CD80: variants seen among roughly 807,000 people sequenced by gnomAD.
CD80 encodes T-lymphocyte activation antigen CD80.
CD80 carries 13 observed loss-of-function variants against 27.1 expected under a neutral mutation model. That is an observed-to-expected ratio of 0.48 (90% CI 0.31 to 0.76). The LOEUF (loss-of-function observed/expected upper bound fraction) is 0.76. Ranked by LOEUF, CD80 falls within the 30% of genes least tolerant of loss-of-function variation. CD80 has a pLI of 0.04. For missense variants in CD80, 277 were observed against 347.9 expected (o/e 0.80, Z 1.62); for synonymous variants, 125 against 125.5 (o/e 1.00, Z 0.03).
intron 2 of CD80, among the ~76,000 whole-genome samples, chr3:119,552,575 G>C (rs1409962194): frequency 2.0e-5 from 3 of 146,554 alleles, no homozygotes; most frequent in South Asian, 4.4e-4. Flanking sequence ...CCAGGCACCC[G>C]TAATCCCAGC....
chr3:119,528,373 A>C (rs2082090226), intron 5 of CD80, among the ~76,000 whole-genome samples: 1 of 152,144 alleles, frequency 6.6e-6, no homozygotes, highest in African/African-American at 2.4e-5. Flanking sequence ...TTATTTGATC[A>C]GTGTACATGA....
In CD80 at chr3:119,537,398, T is replaced by C. The variant is rs2107742191; in HGVS notation, c.439A>G (p.Ile147Val). The C allele has an allele frequency of 6.2e-7, 1 of 1,608,406 alleles. No homozygotes were observed. Among genetic ancestry groups the C allele is most frequent in the South Asian group, 1.1e-5 (1 of 90,936 alleles). ...GAAGTTGGAATTTCAAAGTCAGATA[T>C]ACTAGGTGTAGGGAAGTCAGCTAAA... is the stretch of plus-strand genomic sequence containing the variant. ...SVKADFPTPS[I>V]SDFEIPTSNI... The change falls in exon 4 of 7, where the codon ATA becomes GTA. Residue 147 changes from isoleucine (I) to valine (V), a missense_variant. Transcript: ENST00000264246.
chr3:119,557,653 C>T lies in CD80; in HGVS notation c.76G>A (p.Ala26Thr). The T allele has an allele frequency of 6.2e-7, 1 of 1,613,422 alleles. No individual in the cohort carries two copies. Among genetic ancestry groups the T allele is most frequent in the Non-Finnish European group, 8.5e-7 (1 of 1,179,624 alleles). ...YLNFFQLLVL[A>T]GLSHFCSGVI... ...CCTGAACAGAAGTGAGAAAGACCAG[C>T]CAGCACCAAGAGCTGAAAGAAATTG... is the stretch of plus-strand genomic sequence containing the variant. Residue 26 changes from alanine to threonine, a missense_variant, in exon 2 of 7, where the codon GCT becomes ACT. Coordinates refer to ENST00000264246, the MANE Select transcript of CD80 (RefSeq NM_005191.4).
intron 2 of CD80, among the ~76,000 whole-genome samples, chr3:119,550,955 C>T (rs925751217): frequency 2.0e-5 from 3 of 152,178 alleles, no homozygotes; most frequent in Admixed American, 2.0e-4. Context: ...TCCTGCTACT[C>T]TTTAGTCTCT....
Position 119,544,742 on chromosome 3 carries a change from T to C in CD80, c.226A>G (p.Met76Val), listed in dbSNP as rs762428605. ...CATATATTCATGTCCCCAGACATCA[T>C]AGTCAGCACCATTTTCTTCTCCTTT... is the stretch of plus-strand genomic sequence containing the variant. ...WQKEKKMVLT[M>V]MSGDMNIWPE... The change falls in exon 3 of 7, where the codon ATG (methionine) becomes GTG (valine). Residue 76 changes from methionine to valine, a missense_variant. Physicochemically the swap from Met to Val is conservative, Grantham distance 21. Transcript: ENST00000264246. 1 of 1,614,230 alleles carries C rather than the reference T, an allele frequency of 6.2e-7. No individual in the cohort carries two copies. The highest frequency in any genetic ancestry group is 1.1e-5 in the South Asian group (1 of 91,082).
chr3:119,544,965 T>C, intron 2 of CD80, 98 bp from the exon 3 acceptor site: 1 of 877,614 alleles, frequency 1.1e-6, no homozygotes, highest in Non-Finnish European at 1.8e-6. Context: ...CTTAGGGTGT[T>C]GTGTCTAGTG....
chr3:119,548,620 CTT>C (rs2082213474), intron 2 of CD80, among the ~76,000 whole-genome samples: 1 of 152,148 alleles, frequency 6.6e-6, no homozygotes, highest in South Asian at 2.1e-4. Flanking sequence ...CTGGCCCAGG[CTT>C]TTAGGGCCAT....
intron 2 of CD80, among the ~76,000 whole-genome samples, chr3:119,545,141 C>T (rs568485647): frequency 2.6e-5 from 4 of 152,026 alleles, no homozygotes; most frequent in African/African-American, 4.8e-5. Context: ...GTCAGGAGTT[C>T]GAGACCAGCC....
In CD80 at chr3:119,524,341, A is replaced by G. The variant is rs185399972; in HGVS notation, c.*1447T>C. ...TGTTTCTTCCCTTAGTATTGCTGAC[A>G]AAGTATCTGCTGTAGAATACAGGAA... On this transcript the variant is annotated 3_prime_UTR_variant, in exon 7 of 7. Coordinates refer to ENST00000264246, the MANE Select transcript of CD80 (RefSeq NM_005191.4). The G allele has an allele frequency of 2.6e-5, 4 of 152,412 alleles. No homozygotes were observed. In the East Asian group the frequency reaches 7.7e-4, roughly 29 times the overall value. The allele number at this position is 152,412 out of a possible 1,614,324, so 9.4% of individuals were successfully genotyped here.
intron 2 of CD80, among the ~76,000 whole-genome samples, chr3:119,550,190 T>C (rs1474790284): frequency 1.3e-5 from 2 of 152,226 alleles, no homozygotes; most frequent in African/African-American, 2.4e-5. Context: ...ACTCTGGTCT[T>C]GCTATGGGCC....
At chr3:119,548,344 C>A (rs929845791) in intron 2 of CD80, among the ~76,000 whole-genome samples, 5 of 152,146 alleles carry the variant, frequency 3.3e-5, no homozygotes, top group Non-Finnish European at 5.9e-5. Flanking sequence ...TGTATATAGC[C>A]AGATGCCTAT....
chr3:119,551,273 A>G (rs1340979485), intron 2 of CD80, among the ~76,000 whole-genome samples: 1 of 152,214 alleles, frequency 6.6e-6, no homozygotes, highest in African/African-American at 2.4e-5. Context: ...CCATCTCTGT[A>G]AAACAGTCAT....
chr3:119,545,344 A>G (rs1264440117), intron 2 of CD80, among the ~76,000 whole-genome samples: 1 of 152,114 alleles, frequency 6.6e-6, no homozygotes, highest in Non-Finnish European at 1.5e-5. Context: ...CTCCAAACAA[A>G]CAAACAAACA....
At chr3:119,549,230 A>G (rs1399186050) in intron 2 of CD80, among the ~76,000 whole-genome samples, 1 of 151,728 alleles carries the variant, frequency 6.6e-6, no homozygotes, top group African/African-American at 2.4e-5. Flanking sequence ...CCATACAATT[A>G]CCCTCCAGCC....
At chr3:119,558,679 C>T (rs542505455) in intron 1 of CD80, among the ~76,000 whole-genome samples, 1 of 150,678 alleles carries the variant, frequency 6.6e-6, no homozygotes, top group African/African-American at 2.4e-5. Flanking sequence ...ACGAGAATTG[C>T]TTGAATCCAG....
Position 119,528,282 on chromosome 3 carries a change from T to C in CD80, c.797-441A>G, listed in dbSNP as rs181569052. ...CTTGGGATAAGTTGTTAACAGCACA[T>C]ACTCTCTAAAGAATTCACTGAGCTT... On this transcript the variant is annotated intron_variant, in intron 5 of 6. Coordinates refer to ENST00000264246, the MANE Select transcript of CD80 (RefSeq NM_005191.4). 3.5e-3 allele frequency among the ~76,000 whole-genome samples: 529 copies of C among 152,296 alleles called. 5 individuals are homozygous for C. The South Asian group carries it at 0.036, about 10-fold the overall frequency.
chr3:119,555,722 T>C (rs866181457), intron 2 of CD80, among the ~76,000 whole-genome samples: 1 of 152,250 alleles, frequency 6.6e-6, no homozygotes, highest in African/African-American at 2.4e-5. Context: ...TGAGTGGCTA[T>C]TGGATTACTT....
intron 3 of CD80, among the ~76,000 whole-genome samples, chr3:119,538,784 C>T (rs913534940): frequency 2.0e-5 from 3 of 152,108 alleles, no homozygotes; most frequent in Non-Finnish European, 2.9e-5. Flanking sequence ...AGAGAGAAAA[C>T]ATAAATCTGG....
At chr3:119,550,591 G>A (rs2082226222) in intron 2 of CD80, among the ~76,000 whole-genome samples, 1 of 152,184 alleles carries the variant, frequency 6.6e-6, no homozygotes, top group Non-Finnish European at 1.5e-5. Context: ...ACAAAAAGCA[G>A]TTGAAACGGA....
Sources: allele counts gnomAD v4.1 joint callset (sites outside exome capture counted in the v4.1 genomes callset), GRCh38; gene constraint gnomAD v4.1.1; transcripts MANE v1.5; gene names NCBI Gene and HGNC (gene_info 2026-07-23, HGNC 2026-07-21).